Variants in PTPRT observed in about 807,000 individuals in gnomAD.
PTPRT encodes protein tyrosine phosphatase receptor type T.
PTPRT carries 56 observed loss-of-function variants against 176.8 expected under a neutral mutation model. That is an observed-to-expected ratio of 0.32 (90% CI 0.26 to 0.40). The LOEUF is 0.40. PTPRT is among the 10% of genes least tolerant of loss of function. PTPRT has a pLI of 1.00. For missense variants in PTPRT, 1,540 were observed against 1,908.2 expected (o/e 0.81, Z 3.60); for synonymous variants, 783 against 739.0 (o/e 1.06, Z -0.96).
At chr20:42,458,288 T>C (rs2070958767) in intron 8 of PTPRT, among the ~76,000 whole-genome samples, 1 of 152,226 alleles carries the variant, frequency 6.6e-6, no homozygotes, top group Non-Finnish European at 1.5e-5. Context: ...AGTCTTATTG[T>C]CATCACTGAG....
chr20:42,203,428 C>G (rs1481302316), intron 15 of PTPRT, among the ~76,000 whole-genome samples: 2 of 152,130 alleles, frequency 1.3e-5, no homozygotes, highest in Non-Finnish European at 2.9e-5. Context: ...TGCACATAAC[C>G]TTATCCTCCC....
chr20:42,527,234 A>T (rs968337814), intron 7 of PTPRT, among the ~76,000 whole-genome samples: 1 of 151,972 alleles, frequency 6.6e-6, no homozygotes, highest in Admixed American at 6.6e-5. Flanking sequence ...AAGTGCTGGG[A>T]TTACAGGTGT....
chr20:42,181,146 A>G (rs1221221367), intron 16 of PTPRT, among the ~76,000 whole-genome samples: 1 of 152,218 alleles, frequency 6.6e-6, no homozygotes, highest in African/African-American at 2.4e-5. Flanking sequence ...ATCCCTTAAT[A>G]CATAAGAGTA....
At chr20:42,665,227 T>C (rs1017600685) in intron 7 of PTPRT, among the ~76,000 whole-genome samples, 1 of 152,040 alleles carries the variant, frequency 6.6e-6, no homozygotes, top group African/African-American at 2.4e-5. Flanking sequence ...ATCCAGAATC[T>C]ACAATGAACT....
At chr20:42,756,401 C>T in intron 6 of PTPRT, 61 bp downstream of exon 6, 3 of 1,432,038 alleles carry the variant, frequency 2.1e-6, no homozygotes, top group Non-Finnish European at 2.8e-6. Flanking sequence ...AGAAAAGGGG[C>T]TTTAAGGCCC....
intron 2 of PTPRT, among the ~76,000 whole-genome samples, chr20:42,863,690 C>T (rs1228179330): frequency 2.6e-5 from 4 of 152,154 alleles, no homozygotes; most frequent in Non-Finnish European, 4.4e-5. Context: ...GGGATGTAAA[C>T]TCCATCCCCT....
chr20:42,967,898 G>T (rs746324910), intron 1 of PTPRT, among the ~76,000 whole-genome samples: 2 of 152,226 alleles, frequency 1.3e-5, no homozygotes, highest in East Asian at 1.9e-4. Context: ...TTCACTCAAT[G>T]CTGGCAACCC....
At chr20:42,300,780 T>A (rs976653032) in intron 12 of PTPRT, among the ~76,000 whole-genome samples, 1 of 143,272 alleles carries the variant, frequency 7.0e-6, no homozygotes, top group Non-Finnish European at 1.5e-5. Context: ...ATTATTATTA[T>A]TTATTATTAT....
At chr20:42,864,581 ATAAG>A (rs1306167082) in intron 2 of PTPRT, among the ~76,000 whole-genome samples, 3 of 152,322 alleles carry the variant, frequency 2.0e-5, no homozygotes, top group Admixed American at 1.3e-4. Flanking sequence ...CCTTCATTTT[ATAAG>A]TAAGAGAAAA....
intron 2 of PTPRT, among the ~76,000 whole-genome samples, chr20:42,845,488 G>T (rs1186587294): frequency 2.0e-5 from 3 of 152,094 alleles, no homozygotes; most frequent in Non-Finnish European, 2.9e-5. Flanking sequence ...AGAGTGTGTG[G>T]TCTGAGAAAA....
chr20:42,316,122 A>C, intron 11 of PTPRT, 126 bp from the exon 12 acceptor site: 8 of 1,049,458 alleles, frequency 7.6e-6, no homozygotes, highest in Non-Finnish European at 9.6e-6. Context: ...ACAAAACTCC[A>C]GTCCTGAGCA....
At chr20:42,666,795 C>T (rs953828558) in intron 7 of PTPRT, among the ~76,000 whole-genome samples, 2 of 152,298 alleles carry the variant, frequency 1.3e-5, no homozygotes, top group African/African-American at 4.8e-5. Flanking sequence ...GAATAGGATA[C>T]ATTTTATTAT....
At chr20:42,564,432 A>C (rs934377495) in intron 7 of PTPRT, among the ~76,000 whole-genome samples, 3 of 152,242 alleles carry the variant, frequency 2.0e-5, no homozygotes, top group African/African-American at 7.2e-5. Flanking sequence ...AAAAACAATT[A>C]GAAATAACAA....
chr20:42,472,282 C>A lies in PTPRT; in HGVS notation c.1434G>T (p.Val478=). 1 of 1,614,042 alleles carries A rather than the reference C, an allele frequency of 6.2e-7. No homozygotes were observed. Among genetic ancestry groups the A allele is most frequent in the Non-Finnish European group, 8.5e-7 (1 of 1,179,938 alleles). The change falls in exon 8 of 31, where the codon GTG becomes GTT. Residue 478 remains valine (V), a synonymous_variant. Coordinates refer to ENST00000373187, the MANE Select transcript of PTPRT (RefSeq NM_007050.6). ...EGRMESEELV[V]QTEEDVPGAV... The stretch of plus-strand genomic sequence containing the variant: ...CTTGCTCACCGTCTTCCTCAGTCTG[C>A]ACCACCAGCTCCTCGCTCTCCATTC...
At chr20:42,756,763 T>C (rs1025376301) in intron 5 of PTPRT, 127 bp from the exon 6 acceptor site, 19 of 821,716 alleles carry the variant, frequency 2.3e-5, no homozygotes, top group Non-Finnish European at 3.2e-5. Context: ...TAATAAGGGA[T>C]TTCCAGCCAG....
At chr20:42,481,622 T>A (rs760760132) in intron 7 of PTPRT, among the ~76,000 whole-genome samples, 5 of 152,010 alleles carry the variant, frequency 3.3e-5, no homozygotes, top group Admixed American at 6.6e-5. Flanking sequence ...TCACATCTGG[T>A]TAGTTTTTTT....
intron 2 of PTPRT, among the ~76,000 whole-genome samples, chr20:42,866,367 C>A (rs534188846): frequency 2.6e-5 from 4 of 152,182 alleles, no homozygotes; most frequent in East Asian, 3.9e-4. Context: ...AGAATAGGCA[C>A]CTGACTCCAC....
At chr20:43,056,627 G>C (rs1452588228) in intron 1 of PTPRT, among the ~76,000 whole-genome samples, 1 of 152,166 alleles carries the variant, frequency 6.6e-6, no homozygotes, top group Non-Finnish European at 1.5e-5. Flanking sequence ...ATTCATTACA[G>C]CACCTGCTAT....
At chr20:42,749,455 G>C (rs540980427) in intron 6 of PTPRT, among the ~76,000 whole-genome samples, 1 of 152,248 alleles carries the variant, frequency 6.6e-6, no homozygotes, top group South Asian at 2.1e-4. Flanking sequence ...CTGAATGCAG[G>C]GTCTACCATA....
Sources: gnomAD v4.1 joint callset for allele counts (sites outside exome capture counted in the v4.1 genomes callset) on GRCh38, gnomAD v4.1.1 for gene constraint, MANE v1.5 for transcripts, NCBI Gene and HGNC (gene_info 2026-07-23, HGNC 2026-07-21) for gene names.